Variants in ZDHHC2 observed in about 807,000 individuals in gnomAD.
ZDHHC2 encodes zDHHC palmitoyltransferase 2, also known as palmitoyltransferase ZDHHC2.
In ZDHHC2, 51 loss-of-function variants were observed where a neutral mutation model predicts 55.6. The observed-to-expected ratio is 0.92, with a 90% CI of 0.73 to 1.16. The LOEUF (loss-of-function observed/expected upper bound fraction) is 1.16, where lower values mean the gene tolerates loss of function less well. ZDHHC2 is among the 50% of genes most tolerant of loss of function. The pLI, the probability that ZDHHC2 is intolerant of heterozygous loss-of-function variation, is 0.00. For synonymous variants in ZDHHC2, 199 were observed against 152.9 expected, an observed-to-expected ratio of 1.30 and a Z score of -2.22; for missense variants, 491 against 442.4, an observed-to-expected ratio of 1.11 and a Z score of -0.99.
chr8:17,208,648 G>T (rs1249159996), intron 8 of ZDHHC2, among the ~76,000 whole-genome samples: 1 of 152,020 alleles, frequency 6.6e-6, no homozygotes, highest in African/African-American at 2.4e-5. Flanking sequence ...GTCAATTAGT[G>T]TTCATTTTCA....
intron 6 of ZDHHC2, among the ~76,000 whole-genome samples, chr8:17,199,589 T>TTTC (rs1384114482): frequency 2.2e-5 from 1 of 45,894 alleles, no homozygotes; most frequent in African/African-American, 4.7e-5. Context: ...CTTCTTCTTC[T>TTTC]TTCTTCTTCT....
At chr8:17,185,144 C>G (rs552280166) in intron 2 of ZDHHC2, among the ~76,000 whole-genome samples, 7 of 152,172 alleles carry the variant, frequency 4.6e-5, no homozygotes, top group Non-Finnish European at 8.8e-5. Context: ...CTTTAGTCAT[C>G]TCACACCGAT....
chr8:17,210,514 A>G (rs764511299), intron 10 of ZDHHC2, 34 bp downstream of exon 10: 25 of 1,542,506 alleles, frequency 1.6e-5, no homozygotes, highest in Middle Eastern at 1.7e-4. Context: ...TTACTTTCAA[A>G]TAAGATATTT....
At chr8:17,192,885 C>T (rs369460046) in intron 3 of ZDHHC2, among the ~76,000 whole-genome samples, 1 of 152,172 alleles carries the variant, frequency 6.6e-6, no homozygotes, top group Non-Finnish European at 1.5e-5. Flanking sequence ...TGCCCTTTCC[C>T]CAGTGTATGT....
At chr8:17,179,618 C>G (rs1377960402) in intron 1 of ZDHHC2, among the ~76,000 whole-genome samples, 1 of 152,086 alleles carries the variant, frequency 6.6e-6, no homozygotes, top group African/African-American at 2.4e-5. Flanking sequence ...AATGTGTTGT[C>G]CAGGCTGATC....
chr8:17,181,237 A>C (rs1805417802), intron 1 of ZDHHC2, among the ~76,000 whole-genome samples: 1 of 152,172 alleles, frequency 6.6e-6, no homozygotes, highest in Admixed American at 6.5e-5. Flanking sequence ...TGTTTGTCTA[A>C]GTCAGTCTCT....
chr8:17,213,897 CTGTTTTT>C (rs1034994562), intron 10 of ZDHHC2, among the ~76,000 whole-genome samples: 9 of 151,980 alleles, frequency 5.9e-5, no homozygotes, highest in African/African-American at 2.2e-4. Flanking sequence ...ATGCTGTTTT[CTGTTTTT>C]TAAGATTTAC....
intron 1 of ZDHHC2, among the ~76,000 whole-genome samples, chr8:17,171,003 G>C (rs978635472): frequency 6.6e-6 from 1 of 152,156 alleles, no homozygotes; most frequent in Non-Finnish European, 1.5e-5. Flanking sequence ...CATTCCCCTG[G>C]GTGGTAAATA....
chr8:17,193,371 A>G (rs914046245), intron 3 of ZDHHC2, among the ~76,000 whole-genome samples: 2 of 152,204 alleles, frequency 1.3e-5, no homozygotes, highest in Non-Finnish European at 2.9e-5. Context: ...TCTGCCTTAT[A>G]TTCTTCTAAA....
At position 17,207,877 on chromosome 8, in the gene ZDHHC2, A is replaced by G. The variant is rs1225046551; in HGVS notation, c.598-83A>G. 4.3e-6 allele frequency: 5 copies of G among 1,173,756 alleles called. No homozygotes were observed. In the Admixed American group the frequency reaches 1.3e-4, roughly 29 times the overall value. 72.7% of individuals were successfully genotyped at this position (1,173,756 alleles called of 1,614,324 possible). On this transcript the variant is annotated intron_variant, in intron 7 of 12. Transcript: ENST00000262096. Reference sequence around the variant, plus strand: ...TTTAAGAAAAATTTTAAGCAAAAAAAAAAATCTTACTAATTTACTTATAAA... The same window carrying G: ...TTTAAGAAAAATTTTAAGCAAAAAAGAAAATCTTACTAATTTACTTATAAA...
Position 17,224,711 on chromosome 8 carries a change from A to G in ZDHHC2, c.*4490A>G, listed in dbSNP as rs1005387911. On this transcript the variant is annotated 3_prime_UTR_variant, in exon 13 of 13. Coordinates refer to ENST00000262096, the MANE Select transcript of ZDHHC2 (RefSeq NM_016353.5). ...TTTTCTCAGTTATGAGAGCAAGGCT[A>G]TTTTGTCAGTTTAGATTTTGTGTCT... is the stretch of plus-strand genomic sequence containing the variant. 5 of 151,822 alleles carry G rather than the reference A, an allele frequency of 3.3e-5. No individual in the cohort carries two copies. In the South Asian group the frequency reaches 6.2e-4, roughly 19 times the overall value. The allele number at this position is 151,822 out of a possible 1,614,324, so 9.4% of individuals were successfully genotyped here.
chr8:17,198,206 T>C (rs776319799), intron 5 of ZDHHC2, among the ~76,000 whole-genome samples, 175 bp from the exon 6 acceptor site: 1 of 152,206 alleles, frequency 6.6e-6, no homozygotes, highest in Non-Finnish European at 1.5e-5. Flanking sequence ...GAATTGGCTA[T>C]AGGGTTTATT....
intron 1 of ZDHHC2, among the ~76,000 whole-genome samples, chr8:17,183,286 A>T (rs1320465123): frequency 6.6e-6 from 1 of 152,168 alleles, no homozygotes; most frequent in Non-Finnish European, 1.5e-5. Flanking sequence ...AGAGTTGTCA[A>T]TTTTGGAGCA....
chr8:17,194,326 CAAAATATAT>C (rs1217112512), intron 3 of ZDHHC2, among the ~76,000 whole-genome samples: 1 of 144,564 alleles, frequency 6.9e-6, no homozygotes, highest in Non-Finnish European at 1.5e-5. Flanking sequence ...TGTATATATA[CAAAATATAT>C]AAATATATAA....
chr8:17,173,660 A>G (rs1461566806), intron 1 of ZDHHC2, among the ~76,000 whole-genome samples: 1 of 146,822 alleles, frequency 6.8e-6, no homozygotes. Flanking sequence ...CCAGCTTGAG[A>G]GACGGAAAAA....
At chr8:17,175,386 G>C (rs1304114058) in intron 1 of ZDHHC2, among the ~76,000 whole-genome samples, 1 of 152,128 alleles carries the variant, frequency 6.6e-6, no homozygotes, top group Non-Finnish European at 1.5e-5. Flanking sequence ...CGCTTAAAAG[G>C]CTTTCCAGCA....
intron 10 of ZDHHC2, among the ~76,000 whole-genome samples, chr8:17,213,550 G>A (rs1192178153): frequency 6.6e-6 from 1 of 152,108 alleles, no homozygotes; most frequent in Non-Finnish European, 1.5e-5. Context: ...ACTATGCCCA[G>A]CCTGATTTTT....
chr8:17,179,162 G>A (rs907234461), intron 1 of ZDHHC2, among the ~76,000 whole-genome samples: 13 of 151,976 alleles, frequency 8.6e-5, no homozygotes, highest in African/African-American at 3.1e-4. Flanking sequence ...GTGTTGCCCG[G>A]GCCAATCTCA....
intron 6 of ZDHHC2, among the ~76,000 whole-genome samples, chr8:17,204,787 G>A (rs1807014404): frequency 1.3e-5 from 2 of 151,908 alleles, no homozygotes; most frequent in Admixed American, 1.3e-4. Flanking sequence ...TAACAAACCT[G>A]CACTTGTATC....
Sources: gnomAD v4.1 joint callset for allele counts (sites outside exome capture counted in the v4.1 genomes callset) on GRCh38, gnomAD v4.1.1 for gene constraint, MANE v1.5 for transcripts, NCBI Gene and HGNC (gene_info 2026-07-23, HGNC 2026-07-21) for gene names.